The following CFAP43 variants were observed in gnomAD, a reference collection of about 807,000 sequenced individuals.
CFAP43 encodes cilia- and flagella-associated protein 43.
A neutral mutation model predicts 218.9 loss-of-function variants in CFAP43; 155 were observed. That is an observed-to-expected ratio of 0.71 (90% CI 0.62 to 0.81). The LOEUF (loss-of-function observed/expected upper bound fraction) is 0.81. CFAP43 is among the 30% of genes least tolerant of loss of function. The pLI is 0.00. For missense variants in CFAP43, 1,778 were observed against 1,954.3 expected, an observed-to-expected ratio of 0.91 and a Z score of 1.70; for synonymous variants, 645 against 681.3, an observed-to-expected ratio of 0.95 and a Z score of 0.83.
intron 12 of CFAP43, among the ~76,000 whole-genome samples, chr10:104,190,250 T>G (rs58563044): frequency 0.091 from 13,759 of 151,378 alleles, 799 homozygotes; most frequent in Middle Eastern, 0.18. Context: ...CAGTATTGCC[T>G]GAGCCTAGGA....
chr10:104,190,308 G>T (rs2090170958), intron 12 of CFAP43, among the ~76,000 whole-genome samples: 1 of 152,120 alleles, frequency 6.6e-6, no homozygotes, highest in South Asian at 2.1e-4. Context: ...CTCCAGCCTG[G>T]GTGACAGAGC....
intron 17 of CFAP43, among the ~76,000 whole-genome samples, chr10:104,181,097 C>T (rs906317934): frequency 1.3e-5 from 2 of 152,164 alleles, no homozygotes; most frequent in African/African-American, 2.4e-5. Context: ...ACAGGCTTCT[C>T]GAGCTTAATG....
chr10:104,215,007 C>A (rs1159452232), intron 3 of CFAP43, among the ~76,000 whole-genome samples: 2 of 152,048 alleles, frequency 1.3e-5, no homozygotes, highest in African/African-American at 4.8e-5. Flanking sequence ...TGGTGGCACA[C>A]GCCTGTAATC....
At chr10:104,153,843 C>G (rs2134782996) in intron 27 of CFAP43, among the ~76,000 whole-genome samples, 1 of 149,446 alleles carries the variant, frequency 6.7e-6, no homozygotes, top group East Asian at 2.0e-4. Flanking sequence ...CTTTCCTACA[C>G]TTTTCTGAAC....
At position 104,199,269 on chromosome 10, in the gene CFAP43, T is replaced by G. The variant is rs2090463125; in HGVS notation, c.1096-1231A>C. Among the ~76,000 whole-genome samples the G allele has an allele frequency of 1.3e-5, 2 of 152,238 alleles. 1 individual carries two copies. The highest frequency in any genetic ancestry group is 4.1e-4 in the South Asian group (2 of 4,836). ...GTAGCTGGTAATATAATATGGTCAC[T>G]TAACCAGCAATAAGAAGTCTGCTTT... On this transcript the variant is annotated intron_variant, in intron 8 of 37. Transcript: ENST00000357060.
At chr10:104,149,907 C>T (rs922072299) in intron 28 of CFAP43, among the ~76,000 whole-genome samples, 2 of 152,188 alleles carry the variant, frequency 1.3e-5, no homozygotes, top group African/African-American at 2.4e-5. Context: ...ATTCTTTAGC[C>T]GTCATTTCCC....
chr10:104,231,910 G>A (rs1410526176), intron 1 of CFAP43, among the ~76,000 whole-genome samples: 2 of 152,012 alleles, frequency 1.3e-5, no homozygotes, highest in African/African-American at 2.4e-5. Flanking sequence ...GGGTGCAGGG[G>A]ACGTTGCTGG....
intron 19 of CFAP43, among the ~76,000 whole-genome samples, chr10:104,176,007 T>C (rs960256145): frequency 6.6e-6 from 1 of 152,148 alleles, no homozygotes; most frequent in Non-Finnish European, 1.5e-5. Flanking sequence ...TTCATGGAGA[T>C]TGACAAGCTG....
intron 27 of CFAP43, among the ~76,000 whole-genome samples, chr10:104,155,416 A>G (rs987254922): frequency 6.6e-6 from 1 of 152,194 alleles, no homozygotes; most frequent in African/African-American, 2.4e-5. Flanking sequence ...GTCTGTGTTC[A>G]CCATCATAGA....
intron 24 of CFAP43, among the ~76,000 whole-genome samples, chr10:104,163,447 T>G (rs546530935): frequency 6.6e-6 from 1 of 152,360 alleles, no homozygotes; most frequent in Non-Finnish European, 1.5e-5. Flanking sequence ...CTTTGAGTAT[T>G]CTTTAGCATT....
At chr10:104,212,692 T>C (rs879439976) in intron 4 of CFAP43, among the ~76,000 whole-genome samples, 9 of 152,378 alleles carry the variant, frequency 5.9e-5, no homozygotes, top group Middle Eastern at 3.4e-3. Context: ...ATTCAGCTAC[T>C]TTTATAATCT....
At chr10:104,141,079 G>T (rs979888365) in intron 33 of CFAP43, 78 bp from the exon 34 acceptor site, 2 of 1,417,510 alleles carry the variant, frequency 1.4e-6, no homozygotes, top group South Asian at 1.3e-5. Context: ...TATAAAAATC[G>T]AATCAGCTTA....
intron 19 of CFAP43, among the ~76,000 whole-genome samples, chr10:104,176,323 C>A (rs1220575333): frequency 6.6e-6 from 1 of 151,940 alleles, no homozygotes; most frequent in East Asian, 1.9e-4. Context: ...ATATGTCATA[C>A]CATTCACAAA....
At chr10:104,179,181 G>GAC in intron 18 of CFAP43, 75 bp from the exon 19 acceptor site, 2 of 1,081,040 alleles carry the variant, frequency 1.9e-6, no homozygotes, top group Non-Finnish European at 2.6e-6. Flanking sequence ...GAGAGAGAGA[G>GAC]CAATTCTCTA....
chr10:104,196,903 A>G lies in CFAP43; in HGVS notation c.1243T>C (p.Trp415Arg). ...TLTYSGEICVWWLEDCACVSK... is the reference protein window; with the variant it reads ...TLTYSGEICVRWLEDCACVSK... ...ACACAAGCACAATCCTCCAGCCACC[A>G]AACACAAATTTCCCCTGAATATGTA... Residue 415 changes from tryptophan to arginine, a missense_variant, in exon 10 of 38, where the codon TGG (tryptophan) becomes CGG (arginine). Around this residue, in one of 3 missense-constraint regions of CFAP43, gnomAD observed 1,553 missense variants for 1,685.2 expected, o/e 0.92. Transcript: ENST00000357060. 3.1e-6 allele frequency: 5 copies of G among 1,613,524 alleles called. No homozygotes were observed. Among genetic ancestry groups the G allele is most frequent in the Non-Finnish European group, 4.2e-6 (5 of 1,179,740 alleles).
At position 104,182,392 on chromosome 10, in the gene CFAP43, C is replaced by T. The variant is rs1327404223; in HGVS notation, c.2263G>A (p.Asp755Asn). 1 of 1,608,374 alleles carries T rather than the reference C, an allele frequency of 6.2e-7. No individual in the cohort carries two copies. The highest frequency in any genetic ancestry group is 1.3e-5 in the African/African-American group (1 of 74,542). Residue 755 changes from aspartate to asparagine, a missense_variant, in exon 17 of 38, where the codon GAT becomes AAT. Transcript: ENST00000357060. Reference sequence around the variant, plus strand: ...GTGTGTTCAGAATCGGATCCCAAATCTACGGAAACTTTTGGTGTTGTGCTT... The same window carrying T: ...GTGTGTTCAGAATCGGATCCCAAATTTACGGAAACTTTTGGTGTTGTGCTT... ...YLSTTPKVSV[D>N]LGSDSEHTKQ...
At chr10:104,170,903 C>T (rs368831769) in intron 20 of CFAP43, among the ~76,000 whole-genome samples, 32 of 152,140 alleles carry the variant, frequency 2.1e-4, no homozygotes, top group Admixed American at 1.3e-3. Flanking sequence ...CTCCCATCCA[C>T]GATGCTTCAG....
In CFAP43 at chr10:104,180,937, A is replaced by G. The variant is rs555992903; in HGVS notation, c.2290-1005T>C. Among the ~76,000 whole-genome samples the G allele has an allele frequency of 2.0e-5, 3 of 151,944 alleles. No individual in the cohort carries two copies. In the South Asian group the frequency reaches 6.2e-4, roughly 32 times the overall value. ...GGTCCTCTTCTGCTTCTTGCCATTC[A>G]TGCTTCCATGATGTCCTTACCTAGT... On this transcript the variant is annotated intron_variant, in intron 17 of 37. Coordinates refer to ENST00000357060, the MANE Select transcript of CFAP43 (RefSeq NM_025145.7).
intron 22 of CFAP43, among the ~76,000 whole-genome samples, chr10:104,167,405 G>A (rs1305978834): frequency 6.6e-6 from 1 of 152,118 alleles, no homozygotes; most frequent in Non-Finnish European, 1.5e-5. Flanking sequence ...ATATTTGAGG[G>A]CTAGCCAGTG....
Sources: allele counts gnomAD v4.1 joint callset (sites outside exome capture counted in the v4.1 genomes callset), GRCh38; gene constraint gnomAD v4.1.1; regional missense constraint gnomAD v4.1.1; transcripts MANE v1.5; gene names NCBI Gene and HGNC (gene_info 2026-07-23, HGNC 2026-07-21).